RBM24: variants seen among roughly 807,000 people sequenced by gnomAD.
RBM24 encodes the protein RNA binding motif protein 24.
In RBM24, 5 loss-of-function variants were observed where a neutral mutation model predicts 23.6. The observed-to-expected ratio is 0.21, with a 90% confidence interval of 0.11 to 0.45. The LOEUF is 0.45. Ranked by LOEUF, RBM24 falls within the 20% of genes least tolerant of loss-of-function variation. The pLI is 0.99. For missense variants in RBM24, 252 were observed against 314.6 expected (o/e 0.80, Z 1.51); for synonymous variants, 151 against 129.5 (o/e 1.17, Z -1.13).
intron 2 of RBM24, 70 bp from the exon 3 acceptor site, chr6:17,284,587 C>T (rs1180935141): frequency 6.0e-6 from 7 of 1,159,060 alleles, no homozygotes; most frequent in Non-Finnish European, 8.8e-6. Context: ...GTTGTGATTG[C>T]ATTTTACATG....
intron 3 of RBM24, chr6:17,288,424 A>G (rs1173803386): frequency 1.0e-5 from 10 of 984,752 alleles, no homozygotes; most frequent in Non-Finnish European, 1.2e-5. Context: ...TTGAGTGCCT[A>G]CTATATTTGG....
At chr6:17,282,969 C>T (rs1760075946) in intron 2 of RBM24, 41 bp downstream of exon 2, 1 of 1,449,728 alleles carries the variant, frequency 6.9e-7, no homozygotes, top group Non-Finnish European at 9.7e-7. Context: ...CTCCAAGAAC[C>T]CCCCATTTAT....
At position 17,291,782 on chromosome 6, in the gene RBM24, A is replaced by C. The variant is rs1760366730; in HGVS notation, c.374A>C (p.Gln125Pro). Residue 125 changes from glutamine (Q) to proline (P), a missense_variant, in exon 4 of 4, where the codon CAG becomes CCG. Coordinates refer to ENST00000379052, the MANE Select transcript of RBM24 (RefSeq NM_001143942.2). ...ATACCTGCCCACTATGTCTATCCGCAGGCTTTTGTGCAGCCGGGAGTGGTC... is the reference window on the plus strand; with the variant it reads ...ATACCTGCCCACTATGTCTATCCGCCGGCTTTTGTGCAGCCGGGAGTGGTC... ...FGIPAHYVYP[Q>P]AFVQPGVVIP... The C allele has an allele frequency of 6.2e-7, 1 of 1,612,758 alleles. No individual in the cohort carries two copies. The highest frequency in any genetic ancestry group is 1.3e-5 in the African/African-American group (1 of 74,880).
intron 3 of RBM24, among the ~76,000 whole-genome samples, chr6:17,291,546 G>A (rs1760356763): frequency 1.3e-5 from 2 of 152,056 alleles, no homozygotes; most frequent in Non-Finnish European, 1.5e-5. Flanking sequence ...AGCAGGGAGG[G>A]TGTCATCATA....
rs949931821 is a variant in RBM24 at position 17,283,004 on chromosome 6, A to G, written c.292+76A>G. Reference sequence around the variant, plus strand: ...TGGGTGGGATGATTCTCTAATTTAGAAGACATTGTCTCTTTCTGTAGATGT... The same window carrying G: ...TGGGTGGGATGATTCTCTAATTTAGGAGACATTGTCTCTTTCTGTAGATGT... On this transcript the variant is annotated intron_variant, in intron 2 of 3. Coordinates refer to ENST00000379052, the MANE Select transcript of RBM24 (RefSeq NM_001143942.2). The G allele has an allele frequency of 3.9e-6, 4 of 1,033,972 alleles. No individual in the cohort carries two copies. In the African/African-American group the frequency reaches 6.3e-5, roughly 16 times the overall value. 64.0% of individuals were successfully genotyped at this position (1,033,972 alleles called of 1,614,324 possible). A position where few individuals can be genotyped will look rare whatever the true frequency, so the allele number is the denominator to read the frequency against.
chr6:17,283,676 T>TA (rs1760105435), intron 2 of RBM24, among the ~76,000 whole-genome samples: 1 of 152,036 alleles, frequency 6.6e-6, no homozygotes, highest in Non-Finnish European at 1.5e-5. Flanking sequence ...CTTGGCCTCC[T>TA]AAAGTGCTGG....
intron 3 of RBM24, among the ~76,000 whole-genome samples, chr6:17,286,812 G>A (rs565578219): frequency 2.0e-5 from 3 of 152,160 alleles, no homozygotes; most frequent in African/African-American, 4.8e-5. Context: ...GACTCAGTGC[G>A]TGGAGAAACC....
At position 17,288,524 on chromosome 6, in the gene RBM24, G is replaced by A. The variant is rs111296667; in HGVS notation, c.348-3232G>A. The A allele has an allele frequency of 4.8e-5, 47 of 985,148 alleles. No homozygotes were observed. In the African/African-American group the frequency reaches 7.0e-4, roughly 15 times the overall value. The allele number at this position is 985,148 out of a possible 1,614,324, so 61.0% of individuals were successfully genotyped here. A position where few individuals can be genotyped will look rare whatever the true frequency, so the allele number is the denominator to read the frequency against. On this transcript the variant is annotated intron_variant, in intron 3 of 3. Coordinates refer to ENST00000379052, the MANE Select transcript of RBM24 (RefSeq NM_001143942.2). ...TAGTCCATTTCACATATGCAAAATA[G>A]GAGGCTATGTTAAGACAACAAAGCA... is the stretch of plus-strand genomic sequence containing the variant.
chr6:17,282,926 C>T lies in RBM24; in HGVS notation c.290C>T (p.Pro97Leu). 2 of 1,613,068 alleles carry T rather than the reference C, an allele frequency of 1.2e-6. No homozygotes were observed. The highest frequency in any genetic ancestry group is 1.1e-5 in the South Asian group (1 of 91,012). Residue 97 changes from proline to leucine, a missense_variant and splice_region_variant, in exon 2 of 4, where the codon CCA (proline) becomes CTA (leucine). Coordinates refer to ENST00000379052, the MANE Select transcript of RBM24 (RefSeq NM_001143942.2). ...GGAGCAAAACCAAGGATCATGCAAC[C>T]AGGTGAGAAATGTCTGTCTCCCCTA... ...YLGAKPRIMQ[P>L]GFAFGVQQLH...
chr6:17,284,474 T>C (rs953314933), intron 2 of RBM24, among the ~76,000 whole-genome samples, 183 bp from the exon 3 acceptor site: 2 of 152,238 alleles, frequency 1.3e-5, no homozygotes, highest in African/African-American at 4.8e-5. Context: ...TTAAAACCTT[T>C]ATTTTGAATC....
intron 3 of RBM24, 53 bp downstream of exon 3, chr6:17,284,764 A>G: frequency 2.2e-6 from 3 of 1,370,534 alleles, no homozygotes; most frequent in Non-Finnish European, 3.1e-6. Context: ...TCATTTGTTA[A>G]CGTGCCTCTT....
Position 17,281,818 on chromosome 6 carries a change from G to T in RBM24, c.168+69G>T, listed in dbSNP as rs1262961660. 10 of 1,522,816 alleles carry T rather than the reference G, an allele frequency of 6.6e-6. No individual in the cohort carries two copies. The highest frequency in any genetic ancestry group is 8.9e-6 in the Non-Finnish European group (10 of 1,126,120). 94.3% of individuals were successfully genotyped at this position (1,522,816 alleles called of 1,614,324 possible). ...GGCTGACCCCGGGGATCGGGAGCTTGGAGTGAGGGGCTCGGCGTGACCCGT... is the reference window on the plus strand; with the variant it reads ...GGCTGACCCCGGGGATCGGGAGCTTTGAGTGAGGGGCTCGGCGTGACCCGT... On this transcript the variant is annotated intron_variant, in intron 1 of 3. Transcript: ENST00000379052. This position sits in a 1 kb window ranked among gnomAD's most constrained non-coding sequence, Gnocchi z 7.1.
intron 3 of RBM24, chr6:17,288,195 T>TG (rs1457530271): frequency 3.1e-5 from 30 of 969,078 alleles, no homozygotes; most frequent in Non-Finnish European, 3.7e-5. Context: ...CCTCAGAAGC[T>TG]GCAGTCTTTC....
chr6:17,291,840 C>T lies in RBM24; in HGVS notation c.432C>T (p.Ala144=). 1 of 1,614,174 alleles carries T rather than the reference C, an allele frequency of 6.2e-7. No homozygotes were observed. Among genetic ancestry groups the T allele is most frequent in the Non-Finnish European group, 8.5e-7 (1 of 1,180,040 alleles). ...ACGTCCAGCCGACAGCAGCTGCCGC[C>T]TCCACCACCCCTTACATTGATTACA... The part of the protein sequence containing the change: ...IPHVQPTAAA[A]STTPYIDYTG... The change falls in exon 4 of 4, where the codon GCC becomes GCT. Residue 144 remains alanine, a synonymous_variant. Coordinates refer to ENST00000379052, the MANE Select transcript of RBM24 (RefSeq NM_001143942.2).
At chr6:17,288,879 T>C in intron 3 of RBM24, 1 of 985,434 alleles carries the variant, frequency 1.0e-6, no homozygotes, top group Non-Finnish European at 1.2e-6. Flanking sequence ...GTTTGGTTTT[T>C]TAGGGGCCAA....
At chr6:17,288,866 T>C in intron 3 of RBM24, 1 of 985,430 alleles carries the variant, frequency 1.0e-6, no homozygotes, top group Non-Finnish European at 1.2e-6. Flanking sequence ...AAATTTGCAC[T>C]GAGTTTGGTT....
At chr6:17,290,038 C>T (rs1300706408) in intron 3 of RBM24, 2 of 1,289,284 alleles carry the variant, frequency 1.6e-6, no homozygotes, top group Non-Finnish European at 2.0e-6. Context: ...GACGTCGTTT[C>T]TCCTGGCACT....
chr6:17,286,238 C>T (rs1384292159), intron 3 of RBM24, among the ~76,000 whole-genome samples: 3 of 137,970 alleles, frequency 2.2e-5, no homozygotes, highest in African/African-American at 8.2e-5. Flanking sequence ...TCAATATGAT[C>T]AGAAAGGGCC....
In RBM24 at chr6:17,293,720, A is replaced by G. The variant is rs1302838046; in HGVS notation, c.*1601A>G. 3 of 152,634 alleles carry G rather than the reference A, an allele frequency of 2.0e-5. No individual in the cohort carries two copies. Among genetic ancestry groups the G allele is most frequent in the African/African-American group, 7.2e-5 (3 of 41,452 alleles). The allele number at this position is 152,634 out of a possible 1,614,324, so 9.5% of individuals were successfully genotyped here. A position where few individuals can be genotyped will look rare whatever the true frequency, so the allele number is the denominator to read the frequency against. ...ATTTTTATGGACTTTCTCCATTATCACTGGATTTACTTTAAGTATTCCCAT... is the reference window on the plus strand; with the variant it reads ...ATTTTTATGGACTTTCTCCATTATCGCTGGATTTACTTTAAGTATTCCCAT... On this transcript the variant is annotated 3_prime_UTR_variant, in exon 4 of 4. Coordinates refer to ENST00000379052, the MANE Select transcript of RBM24 (RefSeq NM_001143942.2).
Sources: allele counts gnomAD v4.1 joint callset (sites outside exome capture counted in the v4.1 genomes callset), GRCh38; gene constraint gnomAD v4.1.1; non-coding constraint Gnocchi (gnomAD v3.1); transcripts MANE v1.5; gene names NCBI Gene and HGNC (gene_info 2026-07-23, HGNC 2026-07-21).